Variants in PPP1R1C observed in about 807,000 individuals in gnomAD.
PPP1R1C encodes protein phosphatase 1 regulatory subunit 1C.
Under a neutral mutation model 17.4 loss-of-function variants are expected in PPP1R1C, and 15 were observed. The ratio of observed to expected loss-of-function variants is 0.86; its 90% CI spans 0.58 to 1.33. The LOEUF (loss-of-function observed/expected upper bound fraction) is 1.33. Ranked by LOEUF, PPP1R1C falls within the 40% of genes most tolerant of loss-of-function variation. The pLI is 0.00. For missense variants in PPP1R1C, 143 were observed against 130.0 expected (o/e 1.10, Z -0.48); for synonymous variants, 35 against 43.1 (o/e 0.81, Z 0.73).
intron 2 of PPP1R1C, chr2:182,024,017 A>G (rs1342111686): frequency 1.3e-5 from 2 of 152,204 alleles, no homozygotes; most frequent in Non-Finnish European, 2.9e-5. Flanking sequence ...ATTACAGAAT[A>G]TGGTAGGAGC....
At chr2:181,998,725 A>G (rs1040159325) in intron 2 of PPP1R1C, among the ~76,000 whole-genome samples, 10 of 152,254 alleles carry the variant, frequency 6.6e-5, no homozygotes, top group Admixed American at 2.6e-4. Flanking sequence ...CCTATTTAAA[A>G]TAATTTTTCA....
chr2:181,981,966 G>T (rs950254477), upstream of PPP1R1C, among the ~76,000 whole-genome samples: 1 of 152,020 alleles, frequency 6.6e-6, no homozygotes, highest in Non-Finnish European at 1.5e-5. Context: ...ATACATATTT[G>T]CTTTTATTTT....
chr2:181,966,929 G>T (rs1044425108), intron 1 of PPP1R1C, among the ~76,000 whole-genome samples: 8 of 152,230 alleles, frequency 5.3e-5, no homozygotes, highest in Admixed American at 1.3e-4. Flanking sequence ...GTGAAGCCAT[G>T]GGGGGTGCTT....
chr2:182,095,424 G>A (rs773825299), intron 4 of PPP1R1C, among the ~76,000 whole-genome samples: 10 of 152,182 alleles, frequency 6.6e-5, no homozygotes, highest in Non-Finnish European at 1.2e-4. Flanking sequence ...GTCTCAGAAA[G>A]TAAGAAGATG....
chr2:182,022,128 G>A (rs1686447021), intron 2 of PPP1R1C, among the ~76,000 whole-genome samples: 1 of 152,166 alleles, frequency 6.6e-6, no homozygotes, highest in African/African-American at 2.4e-5. Flanking sequence ...CTTAACTTGT[G>A]CTATTGTTTA....
At chr2:181,974,011 T>G (rs1685055836) in intron 1 of PPP1R1C, among the ~76,000 whole-genome samples, 1 of 152,028 alleles carries the variant, frequency 6.6e-6, no homozygotes, top group East Asian at 1.9e-4. Flanking sequence ...TATCTTGCCT[T>G]TTAAACATTA....
intron 2 of PPP1R1C, among the ~76,000 whole-genome samples, chr2:182,045,613 A>G (rs1687319745): frequency 6.6e-6 from 1 of 152,070 alleles, no homozygotes; most frequent in African/African-American, 2.4e-5. Flanking sequence ...TCCTCTTGTT[A>G]TACAGAGTTC....
At position 181,976,464 on chromosome 2, in the gene PPP1R1C, G is replaced by A. The variant is rs1346301836; in HGVS notation, n.157+1200G>A. Among the ~76,000 whole-genome samples the A allele has an allele frequency of 6.6e-6, 1 of 152,054 alleles. No homozygotes were observed. Among genetic ancestry groups the A allele is most frequent in the Non-Finnish European group, 1.5e-5 (1 of 67,992 alleles). On this transcript the variant is annotated intron_variant and non_coding_transcript_variant, in intron 2 of 5. Coordinates refer to the PPP1R1C transcript ENST00000464264. This position sits in a 1 kb window ranked among gnomAD's most constrained non-coding sequence, Gnocchi z 4.8. ...TTAAAATGTGAAGAATTTTGCAAAT[G>A]GGTTATTTATTCATTTATTTATTTA...
At chr2:182,078,479 C>A (rs552088438) in intron 4 of PPP1R1C, among the ~76,000 whole-genome samples, 2 of 152,208 alleles carry the variant, frequency 1.3e-5, no homozygotes, top group East Asian at 3.9e-4. Context: ...CATAGGGGTC[C>A]TTAAGGTACC....
At chr2:182,008,554 A>G (rs1685998342) in intron 2 of PPP1R1C, among the ~76,000 whole-genome samples, 1 of 152,308 alleles carries the variant, frequency 6.6e-6, no homozygotes, top group South Asian at 2.1e-4. Flanking sequence ...GGCATATAGT[A>G]GGTGAATATA....
At chr2:182,076,733 T>C (rs899484690) in intron 4 of PPP1R1C, among the ~76,000 whole-genome samples, 3 of 152,236 alleles carry the variant, frequency 2.0e-5, no homozygotes, top group African/African-American at 4.8e-5. Flanking sequence ...TTCTCAATTA[T>C]GTATGGCTGT....
chr2:181,999,116 C>A (rs1351757370), intron 2 of PPP1R1C, among the ~76,000 whole-genome samples: 1 of 152,124 alleles, frequency 6.6e-6, no homozygotes, highest in Non-Finnish European at 1.5e-5. Context: ...TCAAGACAAA[C>A]ACCAGCTGTA....
intron 4 of PPP1R1C, among the ~76,000 whole-genome samples, chr2:182,064,275 G>C (rs1343294222): frequency 1.3e-5 from 2 of 152,102 alleles, no homozygotes; most frequent in Middle Eastern, 3.2e-3. Flanking sequence ...TGTAACTACT[G>C]TTGAAACAAC....
chr2:182,055,697 G>T (rs1338103504), intron 2 of PPP1R1C, among the ~76,000 whole-genome samples: 1 of 152,098 alleles, frequency 6.6e-6, no homozygotes, highest in Admixed American at 6.6e-5. Context: ...CCGTTGTGCT[G>T]CTTCCTTCTG....
chr2:181,978,136 C>T (rs1194162805), intron 2 of PPP1R1C, among the ~76,000 whole-genome samples: 2 of 152,116 alleles, frequency 1.3e-5, no homozygotes, highest in African/African-American at 4.8e-5. Flanking sequence ...GTTATAAAAC[C>T]ATCAGATCTT....
intron 2 of PPP1R1C, among the ~76,000 whole-genome samples, chr2:181,991,661 C>T (rs901580035): frequency 6.6e-6 from 1 of 152,112 alleles, no homozygotes; most frequent in Admixed American, 6.5e-5. Flanking sequence ...CCCTATATTT[C>T]GTCTTTTTCA....
At chr2:182,085,703 T>C (rs542975099) in intron 4 of PPP1R1C, among the ~76,000 whole-genome samples, 1 of 152,322 alleles carries the variant, frequency 6.6e-6, no homozygotes, top group Non-Finnish European at 1.5e-5. Flanking sequence ...TACAACAGAA[T>C]CTATTCTAGT....
intron 2 of PPP1R1C, among the ~76,000 whole-genome samples, chr2:182,060,196 A>G (rs1317707469): frequency 2.0e-5 from 3 of 152,046 alleles, no homozygotes; most frequent in Admixed American, 1.3e-4. Context: ...AGTTTCCATA[A>G]CTTTTTAACA....
intron 2 of PPP1R1C, among the ~76,000 whole-genome samples, chr2:182,029,246 C>G (rs1686735164): frequency 1.3e-5 from 2 of 150,690 alleles, no homozygotes; most frequent in Admixed American, 1.3e-4. Context: ...TGAATTTGAT[C>G]CTGTCATTAT....
Sources: gnomAD v4.1 joint callset for allele counts (sites outside exome capture counted in the v4.1 genomes callset) on GRCh38, gnomAD v4.1.1 for gene constraint, Gnocchi (gnomAD v3.1) non-coding constraint, MANE v1.5 for transcripts, NCBI Gene and HGNC (gene_info 2026-07-23, HGNC 2026-07-21) for gene names.